The following TNFAIP8L3 variants were observed in gnomAD, a reference collection of about 807,000 sequenced individuals.
TNFAIP8L3 encodes TNF alpha induced protein 8 like 3.
In TNFAIP8L3, 7 loss-of-function variants were observed where a neutral mutation model predicts 11.8. The observed-to-expected ratio is 0.59, with a 90% CI of 0.34 to 1.11. TNFAIP8L3 has a LOEUF of 1.11. Ranked by LOEUF, TNFAIP8L3 falls within the 50% of genes most tolerant of loss-of-function variation. The pLI is 0.03. For synonymous variants in TNFAIP8L3, 98 were observed against 103.8 expected (o/e 0.94, Z 0.34); for missense variants, 219 against 258.6 (o/e 0.85, Z 1.05).
intron 1 of TNFAIP8L3, among the ~76,000 whole-genome samples, chr15:51,067,738 C>T (rs1285940446): frequency 1.3e-5 from 2 of 152,198 alleles, no homozygotes; most frequent in African/African-American, 4.8e-5. Flanking sequence ...TTACTTCATT[C>T]TAACTAAACT....
chr15:51,059,642 A>C (rs1204516230), intron 1 of TNFAIP8L3, among the ~76,000 whole-genome samples: 2 of 152,244 alleles, frequency 1.3e-5, no homozygotes, highest in African/African-American at 4.8e-5. Context: ...GAGCATAGGG[A>C]ATGGTGCTGT....
intron 1 of TNFAIP8L3, chr15:51,064,525 T>C (rs2065258557): frequency 2.6e-5 from 4 of 152,280 alleles, no homozygotes; most frequent in Middle Eastern, 3.4e-3. Context: ...TTCTCTGGTA[T>C]GCATTATAGG....
At chr15:51,082,133 C>T (rs946744807) in intron 1 of TNFAIP8L3, among the ~76,000 whole-genome samples, 3 of 151,060 alleles carry the variant, frequency 2.0e-5, no homozygotes, top group South Asian at 4.2e-4. Context: ...GATGGGGCTA[C>T]GTTCTCAGAA....
chr15:51,081,160 G>A (rs1178205933), intron 1 of TNFAIP8L3, among the ~76,000 whole-genome samples: 1 of 152,142 alleles, frequency 6.6e-6, no homozygotes, highest in Non-Finnish European at 1.5e-5. Flanking sequence ...GGGGTGGGTG[G>A]GGGCCCAAGG....
At chr15:51,078,326 G>C (rs1373982885) in intron 1 of TNFAIP8L3, among the ~76,000 whole-genome samples, 1 of 151,436 alleles carries the variant, frequency 6.6e-6, no homozygotes, top group Non-Finnish European at 1.5e-5. Flanking sequence ...GGCTGTTTCC[G>C]GGGGGCAGAT....
chr15:51,086,996 C>A (rs955240867), intron 1 of TNFAIP8L3, among the ~76,000 whole-genome samples: 19 of 151,908 alleles, frequency 1.3e-4, no homozygotes, highest in Non-Finnish European at 2.4e-4. Context: ...TCAAGCAATT[C>A]TCCTGCCTCA....
upstream of TNFAIP8L3, among the ~76,000 whole-genome samples, chr15:51,095,401 T>C (rs928803117): frequency 2.0e-5 from 3 of 151,978 alleles, no homozygotes; most frequent in African/African-American, 4.8e-5. Context: ...CAGGTAATGC[T>C]AACTCCGGCT....
intron 1 of TNFAIP8L3, among the ~76,000 whole-genome samples, chr15:51,102,522 A>G (rs2065561634): frequency 6.6e-6 from 1 of 152,132 alleles, no homozygotes; most frequent in African/African-American, 2.4e-5. Flanking sequence ...GGAAGGTTCC[A>G]TTTATGTAAG....
At chr15:51,068,661 T>C (rs985287012) in intron 1 of TNFAIP8L3, among the ~76,000 whole-genome samples, 2 of 19,818 alleles carry the variant, frequency 1.0e-4, no homozygotes, top group African/African-American at 4.0e-4. Context: ...ACCCCTCCTG[T>C]TTTTTTTTTT....
intron 1 of TNFAIP8L3, among the ~76,000 whole-genome samples, chr15:51,083,372 C>T (rs1401167518): frequency 2.0e-5 from 3 of 152,084 alleles, no homozygotes; most frequent in Admixed American, 6.5e-5. Flanking sequence ...TTTTAAATGT[C>T]GTTGTATCCC....
chr15:51,058,830 C>T (rs1279680454), intron 1 of TNFAIP8L3, among the ~76,000 whole-genome samples: 5 of 152,220 alleles, frequency 3.3e-5, no homozygotes, highest in African/African-American at 1.2e-4. Context: ...TATACAGGAG[C>T]AAATTATTGC....
chr15:51,102,452 C>A (rs1430930705), intron 1 of TNFAIP8L3, among the ~76,000 whole-genome samples: 1 of 152,112 alleles, frequency 6.6e-6, no homozygotes, highest in African/African-American at 2.4e-5. Context: ...TGAGTGGAAC[C>A]TTTTGTTCCT....
chr15:51,099,832 G>A (rs144923874), upstream of TNFAIP8L3, among the ~76,000 whole-genome samples: 3 of 152,306 alleles, frequency 2.0e-5, no homozygotes, highest in Non-Finnish European at 4.4e-5. Flanking sequence ...AGGTTTCAGC[G>A]GCAACTAGAG....
At chr15:51,085,890 A>G (rs2065424167) in intron 1 of TNFAIP8L3, among the ~76,000 whole-genome samples, 1 of 152,162 alleles carries the variant, frequency 6.6e-6, no homozygotes, top group Non-Finnish European at 1.5e-5. Flanking sequence ...TCTTCCTTGT[A>G]CTGTTTTCAC....
intron 1 of TNFAIP8L3, among the ~76,000 whole-genome samples, chr15:51,081,883 C>T (rs1368632355): frequency 1.3e-5 from 2 of 152,106 alleles, no homozygotes; most frequent in Admixed American, 1.3e-4. Context: ...CAATTTGCTC[C>T]TGTCTCAATC....
upstream of TNFAIP8L3, among the ~76,000 whole-genome samples, chr15:51,099,487 TG>T (rs569308091): frequency 9.8e-4 from 150 of 152,302 alleles, 1 homozygote; most frequent in Admixed American, 3.3e-3. Context: ...GAAAACTCTA[TG>T]GGCCCAACCT....
At chr15:51,086,277 A>C (rs1437007261) in intron 1 of TNFAIP8L3, among the ~76,000 whole-genome samples, 3 of 152,212 alleles carry the variant, frequency 2.0e-5, no homozygotes, top group Non-Finnish European at 4.4e-5. Flanking sequence ...GCGTCCTTCT[A>C]GGGCCTTCTG....
At chr15:51,093,824 C>T (rs2065489919) in intron 1 of TNFAIP8L3, among the ~76,000 whole-genome samples, 1 of 152,064 alleles carries the variant, frequency 6.6e-6, no homozygotes, top group Admixed American at 6.5e-5. Context: ...CAGGGAGAGG[C>T]GGGGGAGGAC....
intron 1 of TNFAIP8L3, among the ~76,000 whole-genome samples, chr15:51,089,887 A>G (rs1373031630): frequency 1.3e-5 from 2 of 152,232 alleles, no homozygotes; most frequent in Non-Finnish European, 2.9e-5. Context: ...AATATGACTA[A>G]TAACCAAATG....
Sources: allele counts gnomAD v4.1 joint callset (sites outside exome capture counted in the v4.1 genomes callset), GRCh38; gene constraint gnomAD v4.1.1; transcripts MANE v1.5; gene names NCBI Gene and HGNC (gene_info 2026-07-23, HGNC 2026-07-21).